SLC26A7: variants seen among roughly 807,000 people sequenced by gnomAD.
SLC26A7 encodes the protein solute carrier family 26 member 7.
SLC26A7 carries 59 observed loss-of-function variants against 82.5 expected under a neutral mutation model. The ratio of observed to expected loss-of-function variants is 0.72; its 90% CI spans 0.58 to 0.89. The LOEUF (loss-of-function observed/expected upper bound fraction) is 0.89. SLC26A7 is among the 40% of genes least tolerant of loss of function. SLC26A7 has a pLI of 0.00. For missense variants in SLC26A7, 820 were observed against 793.0 expected, an observed-to-expected ratio of 1.03 and a Z score of -0.41; for synonymous variants, 271 against 274.3, an observed-to-expected ratio of 0.99 and a Z score of 0.12.
chr8:91,376,214 T>C (rs910027938), intron 15 of SLC26A7, among the ~76,000 whole-genome samples: 5 of 152,216 alleles, frequency 3.3e-5, no homozygotes, highest in Non-Finnish European at 7.3e-5. Context: ...ATTCCTTATC[T>C]GCCATTTCTG....
Position 91,352,990 on chromosome 8 carries a change from C to A in SLC26A7, c.1308C>A (p.Ile436=). 6.2e-7 allele frequency: 1 copy of A among 1,603,084 alleles called. No homozygotes were observed. Among genetic ancestry groups the A allele is most frequent in the South Asian group, 1.1e-5 (1 of 89,426 alleles). The change falls in exon 11 of 19, where the codon ATC becomes ATA. Residue 436 remains isoleucine (I), a synonymous_variant. Coordinates refer to ENST00000276609, the MANE Select transcript of SLC26A7 (RefSeq NM_052832.4). ...DLKKYWNVDK[I]DWGIWVSTYV... ...AAAAATATTGGAATGTGGATAAAAT[C>A]GATTGGGTAAGTAGAAATTTGACCT...
chr8:91,225,531 T>G (rs1226923401), intron 2 of SLC26A7, among the ~76,000 whole-genome samples: 1 of 151,272 alleles, frequency 6.6e-6, no homozygotes, highest in Non-Finnish European at 1.5e-5. Context: ...ATACCTTGGT[T>G]GCCGGTGAAG....
At chr8:91,216,565 C>A (rs914066421) in intron 1 of SLC26A7, among the ~76,000 whole-genome samples, 1 of 151,986 alleles carries the variant, frequency 6.6e-6, no homozygotes, top group Admixed American at 6.6e-5. Flanking sequence ...TTCAATAGTT[C>A]TTTAATTCTA....
chr8:91,274,429 C>T (rs1811352035), intron 2 of SLC26A7, among the ~76,000 whole-genome samples: 1 of 152,050 alleles, frequency 6.6e-6, no homozygotes, highest in Non-Finnish European at 1.5e-5. Flanking sequence ...TTCTTTCTGT[C>T]TTATAACATA....
chr8:91,212,536 C>A (rs565672367), intron 1 of SLC26A7, among the ~76,000 whole-genome samples: 15 of 152,196 alleles, frequency 9.9e-5, no homozygotes, highest in African/African-American at 3.6e-4. Context: ...AACTTTAATT[C>A]CTTTTTTATG....
intron 1 of SLC26A7, among the ~76,000 whole-genome samples, chr8:91,217,234 G>T (rs1481004779): frequency 2.0e-5 from 3 of 152,068 alleles, no homozygotes; most frequent in African/African-American, 7.2e-5. Context: ...CTTATAATTT[G>T]TCAGGACTCG....
chr8:91,308,719 C>T (rs2130795495), intron 4 of SLC26A7, among the ~76,000 whole-genome samples: 1 of 152,256 alleles, frequency 6.6e-6, no homozygotes, highest in South Asian at 2.1e-4. Context: ...TTTAGTCAAT[C>T]ATTTATATTA....
At chr8:91,214,411 C>T (rs577212531) in intron 1 of SLC26A7, among the ~76,000 whole-genome samples, 11 of 152,280 alleles carry the variant, frequency 7.2e-5, no homozygotes, top group Non-Finnish European at 1.5e-4. Flanking sequence ...TATTTGAAAA[C>T]ATGTGCACTT....
At chr8:91,315,034 C>CT (rs996565640) in intron 4 of SLC26A7, among the ~76,000 whole-genome samples, 1 of 152,020 alleles carries the variant, frequency 6.6e-6, no homozygotes, top group Non-Finnish European at 1.5e-5. Flanking sequence ...GTTAGGTAAC[C>CT]TTTTTTTCCC....
At chr8:91,335,987 C>A (rs1443717871) in intron 6 of SLC26A7, among the ~76,000 whole-genome samples, 1 of 152,134 alleles carries the variant, frequency 6.6e-6, no homozygotes, top group Non-Finnish European at 1.5e-5. Flanking sequence ...GTCCTCACTT[C>A]CAGGCTCCAA....
chr8:91,343,077 G>A (rs1483306032), intron 8 of SLC26A7: 2 of 297,624 alleles, frequency 6.7e-6, no homozygotes, highest in African/African-American at 4.3e-5. Flanking sequence ...ACCTAAAGAT[G>A]GAGGAGAAAT....
chr8:91,330,453 T>G (rs1284610723), intron 5 of SLC26A7, among the ~76,000 whole-genome samples: 2 of 152,188 alleles, frequency 1.3e-5, no homozygotes, highest in African/African-American at 4.8e-5. Context: ...GTCTATATAA[T>G]GTTTTGACTC....
At chr8:91,278,148 G>A (rs189168055) in intron 2 of SLC26A7, among the ~76,000 whole-genome samples, 28 of 151,972 alleles carry the variant, frequency 1.8e-4, no homozygotes, top group Admixed American at 1.6e-3. Flanking sequence ...TTATTCCTTG[G>A]GTGCTCCTCT....
At position 91,306,846 on chromosome 8, in the gene SLC26A7, A is replaced by C. The variant is rs374401320; in HGVS notation, c.477+11143A>C. On this transcript the variant is annotated intron_variant, in intron 4 of 18. Transcript: ENST00000276609. Reference sequence around the variant, plus strand: ...CACCTCAGCCTCACAAGCAGCTAAGACTACAGGGACTTGCCACGCTAAAAA... The same window carrying C: ...CACCTCAGCCTCACAAGCAGCTAAGCCTACAGGGACTTGCCACGCTAAAAA... Among the ~76,000 whole-genome samples, 119 of 152,148 alleles carry C rather than the reference A, an allele frequency of 7.8e-4. 1 individual carries two copies. Among genetic ancestry groups the C allele is most frequent in the African/African-American group, 2.6e-3 (108 of 41,492 alleles).
chr8:91,309,594 G>A (rs1812420888), intron 4 of SLC26A7, among the ~76,000 whole-genome samples: 1 of 152,024 alleles, frequency 6.6e-6, no homozygotes, highest in African/African-American at 2.4e-5. Flanking sequence ...CTCAATTCTT[G>A]CCTTCTCAGA....
intron 2 of SLC26A7, among the ~76,000 whole-genome samples, chr8:91,271,399 C>T (rs1811263353): frequency 1.3e-5 from 2 of 152,126 alleles, no homozygotes; most frequent in Admixed American, 1.3e-4. Context: ...GTAGATAATT[C>T]TACTAATGCT....
rs1198280739 is a variant in SLC26A7, at chr8:91,289,148, CT to C, written c.207del (p.Val70PhefsTer19). 6.2e-7 allele frequency: 1 copy of C among 1,613,458 alleles called. No individual in the cohort carries two copies. The highest frequency in any genetic ancestry group is 2.2e-5 in the East Asian group (1 of 44,840). The part of the protein sequence containing the change: ...VQQVTQGLAF[A>X]VLSSVHPVFG... ...GTCTTCTTCACAGGATTGGCCTTTG[CT>C]GTTCTCTCATCTGTGCACCCAGTGT... On this transcript the variant is annotated frameshift_variant, in exon 3 of 19. Coordinates refer to ENST00000276609, the MANE Select transcript of SLC26A7 (RefSeq NM_052832.4). LOFTEE classifies it high-confidence loss of function.
At chr8:91,353,351 T>A (rs1015770535) in intron 11 of SLC26A7, among the ~76,000 whole-genome samples, 1 of 152,152 alleles carries the variant, frequency 6.6e-6, no homozygotes, top group African/African-American at 2.4e-5. Flanking sequence ...TTTATAACCT[T>A]TATGAAAAAC....
intron 9 of SLC26A7, among the ~76,000 whole-genome samples, chr8:91,346,830 C>T (rs1345649596): frequency 1.3e-5 from 2 of 152,162 alleles, no homozygotes; most frequent in East Asian, 1.9e-4. Flanking sequence ...TTCTCCAGCC[C>T]TTGTGGGTTC....
Sources: gnomAD v4.1 joint callset for allele counts (sites outside exome capture counted in the v4.1 genomes callset) on GRCh38, gnomAD v4.1.1 for gene constraint, MANE v1.5 for transcripts, NCBI Gene and HGNC (gene_info 2026-07-23, HGNC 2026-07-21) for gene names.